Variants in EYS observed in about 807,000 individuals in gnomAD.
EYS encodes protein eyes shut homolog.
In EYS, 250 loss-of-function variants were observed where a neutral mutation model predicts 282.1. The ratio of observed to expected loss-of-function variants is 0.89; its 90% CI spans 0.80 to 0.98. The LOEUF (loss-of-function observed/expected upper bound fraction) is 0.98. EYS is among the 50% of genes least tolerant of loss of function. The pLI, the probability that EYS is intolerant of heterozygous loss-of-function variation, is 0.00. For synonymous variants in EYS, 1,355 were observed against 1,282.9 expected, an observed-to-expected ratio of 1.06 and a Z score of -1.20; for missense variants, 4,016 against 3,709.0, an observed-to-expected ratio of 1.08 and a Z score of -2.15.
chr6:64,831,722 C>T (rs552342057), intron 19 of EYS, among the ~76,000 whole-genome samples: 11 of 151,982 alleles, frequency 7.2e-5, no homozygotes, highest in South Asian at 2.1e-4. Context: ...CACAAGAATG[C>T]GGCCAGTTGT....
At chr6:64,650,882 A>G (rs1015664284) in intron 22 of EYS, among the ~76,000 whole-genome samples, 22 of 152,116 alleles carry the variant, frequency 1.4e-4, no homozygotes, top group African/African-American at 4.6e-4. Flanking sequence ...TCATGAAGAA[A>G]TCACAAAAAT....
chr6:64,073,804 A>G (rs1019727193), intron 32 of EYS, among the ~76,000 whole-genome samples: 1 of 151,648 alleles, frequency 6.6e-6, no homozygotes, highest in South Asian at 2.1e-4. Flanking sequence ...TTGCAAATAT[A>G]TATAGGGCAA....
chr6:64,671,830 C>T (rs1583023292), intron 22 of EYS, among the ~76,000 whole-genome samples: 1 of 151,788 alleles, frequency 6.6e-6, no homozygotes, highest in South Asian at 2.1e-4. Context: ...GTATTCATTT[C>T]CCCTGATATG....
chr6:64,900,037 A>T (rs965577131), intron 18 of EYS, among the ~76,000 whole-genome samples: 1 of 152,224 alleles, frequency 6.6e-6, no homozygotes, highest in Non-Finnish European at 1.5e-5. Flanking sequence ...ACAGATATAT[A>T]GACCAATGGA....
chr6:65,684,202 GACAA>G (rs1233702442), intron 1 of EYS, among the ~76,000 whole-genome samples: 1 of 152,008 alleles, frequency 6.6e-6, no homozygotes, highest in African/African-American at 2.4e-5. Context: ...AACAATAGGA[GACAA>G]ACATTCTGCT....
At chr6:64,370,614 C>T (rs655466) in intron 29 of EYS, among the ~76,000 whole-genome samples, 104,255 of 151,888 alleles carry the variant, frequency 0.69, 35,810 homozygotes, top group South Asian at 0.71. Flanking sequence ...CTTCCTTATA[C>T]ATCTGGTAGA....
chr6:64,515,418 T>C (rs1562036182), intron 26 of EYS, among the ~76,000 whole-genome samples: 1 of 151,522 alleles, frequency 6.6e-6, no homozygotes, highest in Non-Finnish European at 1.5e-5. Flanking sequence ...ATTTATTTTT[T>C]CTTATTTTTT....
intron 13 of EYS, among the ~76,000 whole-genome samples, chr6:65,016,071 G>GA (rs561989962): frequency 0.17 from 19,918 of 115,516 alleles, 1,398 homozygotes; most frequent in Middle Eastern, 0.19. Flanking sequence ...AAAAGAAAAA[G>GA]AAAAAAAAAA....
chr6:63,832,485 G>T (rs1771670848), intron 36 of EYS, among the ~76,000 whole-genome samples: 1 of 152,018 alleles, frequency 6.6e-6, no homozygotes, highest in South Asian at 2.1e-4. Flanking sequence ...ATAAATTCCT[G>T]GACACATATA....
Position 63,864,254 on chromosome 6 carries a change from A to G in EYS, c.7160T>C (p.Val2387Ala). 1.3e-6 allele frequency: 2 copies of G among 1,551,210 alleles called. No individual in the cohort carries two copies. Among genetic ancestry groups the G allele is most frequent in the Non-Finnish European group, 1.7e-6 (2 of 1,146,648 alleles). ...NNPCGNGATC[V>A]PKSGTDIVCL... The stretch of plus-strand genomic sequence containing the variant: ...GACAATATCTGTTCCGGATTTTGGA[A>G]CACAGGTGGCACCATTTCCACATGG... Residue 2387 changes from valine to alanine, a missense_variant, in exon 36 of 43, where the codon GTT becomes GCT. Transcript: ENST00000503581.
chr6:63,918,076 T>C (rs1257854208), intron 35 of EYS, among the ~76,000 whole-genome samples: 1 of 152,218 alleles, frequency 6.6e-6, no homozygotes. Context: ...ATTTAAGAAT[T>C]ACCTCAAGGC....
At chr6:64,955,101 A>T (rs181660159) in intron 14 of EYS, among the ~76,000 whole-genome samples, 142 of 152,184 alleles carry the variant, frequency 9.3e-4, no homozygotes, top group African/African-American at 3.2e-3. Flanking sequence ...AAACACTTGA[A>T]CCTGGGAGGC....
At chr6:65,112,641 C>A (rs578020156) in intron 12 of EYS, among the ~76,000 whole-genome samples, 1 of 152,076 alleles carries the variant, frequency 6.6e-6, no homozygotes, top group Non-Finnish European at 1.5e-5. Flanking sequence ...TAAATGAACA[C>A]AATTTAGAAG....
chr6:64,432,451 G>A (rs1774601311), intron 28 of EYS, among the ~76,000 whole-genome samples: 1 of 151,466 alleles, frequency 6.6e-6, no homozygotes, highest in Non-Finnish European at 1.5e-5. Context: ...TTTAAGCGGT[G>A]ACTTTAAATG....
At chr6:64,175,157 A>G (rs1006037701) in intron 31 of EYS, among the ~76,000 whole-genome samples, 8 of 152,130 alleles carry the variant, frequency 5.3e-5, no homozygotes, top group South Asian at 4.1e-4. Context: ...GGCTTTAATA[A>G]TATCTGATTC....
chr6:64,396,147 T>C (rs1435117957), intron 28 of EYS, among the ~76,000 whole-genome samples: 1 of 152,066 alleles, frequency 6.6e-6, no homozygotes, highest in Non-Finnish European at 1.5e-5. Context: ...TTGAGATATA[T>C]ATTTTTGAAT....
At chr6:64,895,286 G>T (rs1767423804) in intron 18 of EYS, among the ~76,000 whole-genome samples, 1 of 152,172 alleles carries the variant, frequency 6.6e-6, no homozygotes, top group Admixed American at 6.5e-5. Flanking sequence ...CCTGAGTCCA[G>T]CTATGACATA....
intron 19 of EYS, among the ~76,000 whole-genome samples, chr6:64,854,237 A>C (rs1370265990): frequency 6.6e-6 from 1 of 152,182 alleles, no homozygotes; most frequent in Non-Finnish European, 1.5e-5. Context: ...TGACTCAGCA[A>C]TCGCATTACT....
intron 14 of EYS, among the ~76,000 whole-genome samples, chr6:64,990,003 G>T (rs2349996): frequency 9.9e-5 from 15 of 151,124 alleles, no homozygotes; most frequent in Non-Finnish European, 1.3e-4. Context: ...CAAATGTACA[G>T]GCATACTTGC....
Sources: allele counts gnomAD v4.1 joint callset (sites outside exome capture counted in the v4.1 genomes callset), GRCh38; gene constraint gnomAD v4.1.1; transcripts MANE v1.5; gene names NCBI Gene and HGNC (gene_info 2026-07-23, HGNC 2026-07-21).